Variants in ZDHHC14 observed in about 807,000 individuals in gnomAD.
The protein encoded by ZDHHC14 is zDHHC palmitoyltransferase 14.
In ZDHHC14, 16 loss-of-function variants were observed where a neutral mutation model predicts 47.7. The ratio of observed to expected loss-of-function variants is 0.34; its 90% CI spans 0.23 to 0.51. ZDHHC14 has a LOEUF of 0.51. Ranked by LOEUF, ZDHHC14 falls within the 20% of genes least tolerant of loss-of-function variation. ZDHHC14 has a pLI of 0.97. For missense variants in ZDHHC14, 515 were observed against 662.5 expected (o/e 0.78, Z 2.44); for synonymous variants, 293 against 278.9 (o/e 1.05, Z -0.50).
intron 1 of ZDHHC14, among the ~76,000 whole-genome samples, chr6:157,395,883 G>C (rs1037461258): frequency 1.3e-5 from 2 of 151,676 alleles, no homozygotes; most frequent in African/African-American, 4.8e-5. Flanking sequence ...AACTAAATCC[G>C]TGCAAAGCTG....
chr6:157,672,308 G>A (rs1778833537), intron 8 of ZDHHC14, among the ~76,000 whole-genome samples: 1 of 152,178 alleles, frequency 6.6e-6, no homozygotes, highest in Non-Finnish European at 1.5e-5. Flanking sequence ...GAACATGGGT[G>A]TACAACTCCT....
chr6:157,665,510 C>T (rs753906351), intron 8 of ZDHHC14, among the ~76,000 whole-genome samples: 2 of 152,122 alleles, frequency 1.3e-5, no homozygotes, highest in African/African-American at 2.4e-5. Flanking sequence ...CAAACTTTTG[C>T]CTGCCATCTT....
intron 3 of ZDHHC14, 78 bp downstream of exon 3, chr6:157,593,224 G>T (rs758368025): frequency 6.7e-7 from 1 of 1,481,490 alleles, no homozygotes; most frequent in African/African-American, 1.4e-5. Flanking sequence ...CCTGCGCCAC[G>T]GAACACTCAG....
chr6:157,587,196 A>G (rs1449700073), intron 2 of ZDHHC14, among the ~76,000 whole-genome samples: 2 of 152,210 alleles, frequency 1.3e-5, no homozygotes, highest in East Asian at 3.8e-4. Flanking sequence ...GCAGGAGTAA[A>G]TAGAGGCAAT....
intron 1 of ZDHHC14, among the ~76,000 whole-genome samples, chr6:157,443,452 G>A (rs751934093): frequency 6.6e-6 from 1 of 152,132 alleles, no homozygotes; most frequent in Non-Finnish European, 1.5e-5. Flanking sequence ...TTTGCTCTGC[G>A]GCTATCCCTT....
chr6:157,635,907 A>G (rs1178688088), intron 5 of ZDHHC14, among the ~76,000 whole-genome samples: 1 of 152,214 alleles, frequency 6.6e-6, no homozygotes, highest in Admixed American at 6.5e-5. Flanking sequence ...CTATTGGCCC[A>G]GTTTTTGAAA....
chr6:157,463,531 T>G lies in ZDHHC14; in HGVS notation c.246-79054T>G, dbSNP rs1468859021. Among the ~76,000 whole-genome samples the G allele has an allele frequency of 5.9e-5, 9 of 152,192 alleles. No homozygotes were observed. The highest frequency in any genetic ancestry group is 1.9e-4 in the African/African-American group (8 of 41,440). On this transcript the variant is annotated intron_variant, in intron 1 of 8. Coordinates refer to ENST00000359775, the MANE Select transcript of ZDHHC14 (RefSeq NM_024630.3). This position sits in a 1 kb window ranked among gnomAD's most constrained non-coding sequence, Gnocchi z 4.4. Reference sequence around the variant, plus strand: ...CTTCACCAGAGGGGTTGACAGTGACTGAGCCTACAGGAAGAATCATCAGAA... The same window carrying G: ...CTTCACCAGAGGGGTTGACAGTGACGGAGCCTACAGGAAGAATCATCAGAA...
chr6:157,474,460 T>C (rs1233434870), intron 1 of ZDHHC14, among the ~76,000 whole-genome samples: 1 of 152,166 alleles, frequency 6.6e-6, no homozygotes, highest in Non-Finnish European at 1.5e-5. Context: ...CATATGGTAG[T>C]TCCATTTTTA....
intron 1 of ZDHHC14, among the ~76,000 whole-genome samples, chr6:157,499,490 C>T (rs1011673487): frequency 1.3e-4 from 19 of 151,502 alleles, no homozygotes; most frequent in Admixed American, 1.1e-3. Context: ...CCCCCCACCC[C>T]GATATCATCC....
chr6:157,551,231 G>A (rs1022843118), intron 2 of ZDHHC14, among the ~76,000 whole-genome samples: 3 of 152,160 alleles, frequency 2.0e-5, no homozygotes, highest in African/African-American at 7.2e-5. Flanking sequence ...TTCCTCCTGG[G>A]GTGCTGGCCA....
intron 2 of ZDHHC14, among the ~76,000 whole-genome samples, chr6:157,581,643 T>C (rs1176223671): frequency 1.3e-5 from 2 of 152,216 alleles, no homozygotes; most frequent in African/African-American, 2.4e-5. Context: ...GGTCTTCTTA[T>C]TGAATTGAAT....
intron 2 of ZDHHC14, among the ~76,000 whole-genome samples, chr6:157,548,141 A>G (rs1447261548): frequency 6.6e-6 from 1 of 151,764 alleles, no homozygotes. Flanking sequence ...CATAGCAGGC[A>G]TTAAAGGTGG....
intron 3 of ZDHHC14, among the ~76,000 whole-genome samples, chr6:157,617,140 T>C (rs2114932508): frequency 6.6e-6 from 1 of 152,284 alleles, no homozygotes; most frequent in African/African-American, 2.4e-5. Flanking sequence ...CAGGCATTAG[T>C]GACAGTCACG....
At chr6:157,540,864 A>AG (rs1562469960) in intron 1 of ZDHHC14, among the ~76,000 whole-genome samples, 3 of 146,220 alleles carry the variant, frequency 2.1e-5, no homozygotes, top group East Asian at 3.9e-4. Flanking sequence ...TATATATATA[A>AG]CATATATAGA....
intron 1 of ZDHHC14, among the ~76,000 whole-genome samples, chr6:157,416,944 T>C (rs1777986335): frequency 6.9e-6 from 1 of 145,470 alleles, no homozygotes; most frequent in Non-Finnish European, 1.5e-5. Flanking sequence ...TAGTTGGGAT[T>C]ACAGGTGCCC....
intron 1 of ZDHHC14, among the ~76,000 whole-genome samples, chr6:157,512,243 T>C (rs1362172419): frequency 1.3e-5 from 2 of 152,210 alleles, no homozygotes; most frequent in Non-Finnish European, 2.9e-5. Context: ...AACCCAGTCA[T>C]CCTGGCTCGG....
At chr6:157,421,838 G>A (rs1031396384) in intron 1 of ZDHHC14, among the ~76,000 whole-genome samples, 1 of 152,064 alleles carries the variant, frequency 6.6e-6, no homozygotes, top group Admixed American at 6.6e-5. Flanking sequence ...GAACTCCTGA[G>A]CTCAGGTGAT....
At chr6:157,439,984 G>A (rs984033095) in intron 1 of ZDHHC14, among the ~76,000 whole-genome samples, 2 of 151,986 alleles carry the variant, frequency 1.3e-5, no homozygotes, top group East Asian at 3.9e-4. Context: ...ACAGGGAGGG[G>A]AACAACACAC....
At chr6:157,589,084 G>A (rs950854723) in intron 2 of ZDHHC14, among the ~76,000 whole-genome samples, 1 of 152,124 alleles carries the variant, frequency 6.6e-6, no homozygotes, top group African/African-American at 2.4e-5. Context: ...TGTATAGGAA[G>A]CATGGCTGAG....
Sources: allele counts gnomAD v4.1 joint callset (sites outside exome capture counted in the v4.1 genomes callset), GRCh38; gene constraint gnomAD v4.1.1; non-coding constraint Gnocchi (gnomAD v3.1); transcripts MANE v1.5; gene names NCBI Gene and HGNC (gene_info 2026-07-23, HGNC 2026-07-21).